SUCLG2: variants seen among roughly 807,000 people sequenced by gnomAD.
SUCLG2 encodes succinate--CoA ligase [GDP-forming] subunit beta, mitochondrial.
SUCLG2 carries 42 observed loss-of-function variants against 47.9 expected under a neutral mutation model. The ratio of observed to expected loss-of-function variants is 0.88; its 90% CI spans 0.69 to 1.14. The LOEUF (loss-of-function observed/expected upper bound fraction) is 1.14, where lower values mean the gene tolerates loss of function less well. Ranked by LOEUF, SUCLG2 falls within the 50% of genes most tolerant of loss-of-function variation. The probability of loss-of-function intolerance (pLI) is 0.00; values close to 1 mark genes in which losing one functional copy is unlikely to be tolerated. For synonymous variants in SUCLG2, 195 were observed against 197.3 expected (o/e 0.99, Z 0.10); for missense variants, 571 against 525.9 (o/e 1.09, Z -0.84).
chr3:67,449,975 G>A (rs1575704423), intron 9 of SUCLG2, among the ~76,000 whole-genome samples: 1 of 151,842 alleles, frequency 6.6e-6, no homozygotes, highest in Non-Finnish European at 1.5e-5. Context: ...CTATCAATAC[G>A]AAAAATAACA....
chr3:67,617,088 T>C (rs1159345483), intron 1 of SUCLG2, among the ~76,000 whole-genome samples: 2 of 152,202 alleles, frequency 1.3e-5, no homozygotes, highest in African/African-American at 2.4e-5. Context: ...CTAGGAAATA[T>C]GAGGCCTCAA....
chr3:67,605,205 G>A (rs1700387116), intron 2 of SUCLG2, among the ~76,000 whole-genome samples: 1 of 152,150 alleles, frequency 6.6e-6, no homozygotes, highest in African/African-American at 2.4e-5. Flanking sequence ...GAAGATGTGT[G>A]CATAATCCAG....
At chr3:67,495,965 G>A (rs777775108) in intron 8 of SUCLG2, 25 bp from the exon 9 acceptor site, 5 of 1,613,420 alleles carry the variant, frequency 3.1e-6, no homozygotes, top group Non-Finnish European at 4.2e-6. Flanking sequence ...TGGGACACAA[G>A]ACAGGCTACA....
intron 6 of SUCLG2, 58 bp from the exon 7 acceptor site, chr3:67,508,961 G>T: frequency 1.5e-6 from 2 of 1,348,740 alleles, no homozygotes; most frequent in Non-Finnish European, 2.1e-6. Flanking sequence ...AATTTATTTT[G>T]CTGGATTAAT....
downstream of SUCLG2, among the ~76,000 whole-genome samples, chr3:67,371,591 T>C (rs1979639): frequency 0.51 from 77,413 of 152,084 alleles, 19,868 homozygotes; most frequent in Middle Eastern, 0.59. Flanking sequence ...CCATTCACAT[T>C]GTAGTCCATA....
chr3:67,646,939 T>C (rs1701202437), intron 1 of SUCLG2, among the ~76,000 whole-genome samples: 1 of 152,178 alleles, frequency 6.6e-6, no homozygotes, highest in African/African-American at 2.4e-5. Flanking sequence ...TGGCTCCCTA[T>C]TGCCCTCCTC....
intron 9 of SUCLG2, among the ~76,000 whole-genome samples, chr3:67,401,755 G>C (rs58040840): frequency 2.0e-5 from 3 of 152,066 alleles, no homozygotes; most frequent in Admixed American, 1.3e-4. Context: ...CAACAGTAGA[G>C]TCACAATTAA....
chr3:67,574,865 C>T (rs1170770503), intron 2 of SUCLG2, among the ~76,000 whole-genome samples: 2 of 152,132 alleles, frequency 1.3e-5, no homozygotes, highest in Admixed American at 1.3e-4. Context: ...TTCAATAAGA[C>T]AAACCTCAAT....
chr3:67,409,712 G>T (rs1329523687), intron 9 of SUCLG2, among the ~76,000 whole-genome samples: 5 of 151,878 alleles, frequency 3.3e-5, no homozygotes, highest in African/African-American at 1.2e-4. Context: ...AAGAAATCCA[G>T]TTCACATCCT....
chr3:67,481,779 GA>G (rs1383372833), intron 9 of SUCLG2, among the ~76,000 whole-genome samples: 1 of 152,160 alleles, frequency 6.6e-6, no homozygotes, highest in Non-Finnish European at 1.5e-5. Context: ...ATTACAATCA[GA>G]AAAAAATTGA....
chr3:67,626,750 T>C (rs1056070004), intron 1 of SUCLG2, among the ~76,000 whole-genome samples: 1 of 151,640 alleles, frequency 6.6e-6, no homozygotes. Context: ...CCATCTCTAC[T>C]AAAAATACAA....
At chr3:67,592,750 C>G (rs1184830718) in intron 2 of SUCLG2, among the ~76,000 whole-genome samples, 1 of 113,894 alleles carries the variant, frequency 8.8e-6, no homozygotes, top group African/African-American at 4.0e-5. Flanking sequence ...CAAAAAAAAA[C>G]TGAATATCAA....
At chr3:67,586,967 T>C (rs1300872418) in intron 2 of SUCLG2, among the ~76,000 whole-genome samples, 1 of 152,172 alleles carries the variant, frequency 6.6e-6, no homozygotes, top group African/African-American at 2.4e-5. Context: ...ATCATCACTA[T>C]CAGACAGCCA....
intron 4 of SUCLG2, among the ~76,000 whole-genome samples, chr3:67,523,664 T>C (rs540892495): frequency 8.1e-4 from 124 of 152,312 alleles, no homozygotes; most frequent in African/African-American, 2.7e-3. Context: ...GAAATTAAGA[T>C]AATCATTTCT....
chr3:67,531,296 C>A (rs938579288), intron 2 of SUCLG2, among the ~76,000 whole-genome samples: 1 of 152,154 alleles, frequency 6.6e-6, no homozygotes, highest in Non-Finnish European at 1.5e-5. Context: ...ACTTCAAATT[C>A]TTTACATAAC....
At chr3:67,596,544 C>T (rs779966016) in intron 2 of SUCLG2, among the ~76,000 whole-genome samples, 5 of 152,156 alleles carry the variant, frequency 3.3e-5, no homozygotes, top group East Asian at 3.8e-4. Context: ...CTTTTCCCTG[C>T]GTGCCATGAC....
intron 10 of SUCLG2, among the ~76,000 whole-genome samples, chr3:67,398,826 G>A (rs548132870): frequency 3.9e-5 from 6 of 152,202 alleles, no homozygotes; most frequent in African/African-American, 9.6e-5. Context: ...ATACACCATG[G>A]AATACTATGC....
At chr3:67,598,242 A>G (rs1185168388) in intron 2 of SUCLG2, among the ~76,000 whole-genome samples, 2 of 152,104 alleles carry the variant, frequency 1.3e-5, no homozygotes, top group Admixed American at 6.5e-5. Flanking sequence ...TCGGCCTCCC[A>G]AAGTGCTAGG....
chr3:67,463,803 TAA>T (rs1040655481), intron 9 of SUCLG2, among the ~76,000 whole-genome samples: 24 of 152,182 alleles, frequency 1.6e-4, no homozygotes, highest in African/African-American at 5.8e-4. Context: ...CGTCTTGAAA[TAA>T]AGAGAAAGAA....
Sources: allele counts gnomAD v4.1 joint callset (sites outside exome capture counted in the v4.1 genomes callset), GRCh38; gene constraint gnomAD v4.1.1; transcripts MANE v1.5; gene names NCBI Gene and HGNC (gene_info 2026-07-23, HGNC 2026-07-21).